Variants in GIPC2 observed in about 807,000 individuals in gnomAD.
GIPC2 encodes the protein GIPC PDZ domain containing family member 2.
GIPC2 carries 30 observed loss-of-function variants against 30.6 expected under a neutral mutation model. The ratio of observed to expected loss-of-function variants is 0.98; its 90% CI spans 0.73 to 1.33. The LOEUF is 1.33. Among genes scored for constraint, GIPC2 ranks in the 40% most tolerant of loss-of-function variants. The pLI, the probability that GIPC2 is intolerant of heterozygous loss-of-function variation, is 0.00. For missense variants in GIPC2, 414 were observed against 390.3 expected, an observed-to-expected ratio of 1.06 and a Z score of -0.51; for synonymous variants, 167 against 150.0, an observed-to-expected ratio of 1.11 and a Z score of -0.83.
At chr1:78,076,233 G>A (rs868202597) in intron 1 of GIPC2, among the ~76,000 whole-genome samples, 60 of 152,226 alleles carry the variant, frequency 3.9e-4, no homozygotes, top group African/African-American at 1.4e-3. Flanking sequence ...AGGAAAATTA[G>A]GGGGAAAGGG....
At chr1:78,127,842 T>C (rs1662809977) in intron 5 of GIPC2, among the ~76,000 whole-genome samples, 1 of 152,090 alleles carries the variant, frequency 6.6e-6, no homozygotes. Context: ...GGTGTGTGCC[T>C]CCATACCCAG....
chr1:78,090,953 G>A (rs530841878), intron 2 of GIPC2, among the ~76,000 whole-genome samples: 7 of 152,136 alleles, frequency 4.6e-5, no homozygotes, highest in South Asian at 4.1e-4. Context: ...ATAAGGAAAC[G>A]GAAAATGGAA....
At position 78,046,111 on chromosome 1, in the gene GIPC2, G is replaced by C. The variant is rs745922458; in HGVS notation, c.17G>C (p.Arg6Pro). Residue 6 changes from arginine (R) to proline (P), a missense_variant, in exon 1 of 6, where the codon CGG (arginine) becomes CCG (proline). Arg to Pro is a moderately radical substitution (Grantham distance 103). Transcript: ENST00000370759. The part of the protein sequence containing the change: MPLKL[R>P]GKKKAKSKET... ...CCCTGCAAGATGCCCCTGAAGCTGC[G>C]GGGGAAGAAGAAGGCCAAGTCCAAG... 7 of 1,478,416 alleles carry C rather than the reference G, an allele frequency of 4.7e-6. No homozygotes were observed. The highest frequency in any genetic ancestry group is 5.4e-6 in the Non-Finnish European group (6 of 1,119,024). The allele number at this position is 1,478,416 out of a possible 1,614,324, so 91.6% of individuals were successfully genotyped here. A position where few individuals can be genotyped will look rare whatever the true frequency, so the allele number is the denominator to read the frequency against.
At chr1:78,115,525 G>A (rs1268632135) in intron 3 of GIPC2, among the ~76,000 whole-genome samples, 2 of 152,202 alleles carry the variant, frequency 1.3e-5, no homozygotes, top group African/African-American at 4.8e-5. Flanking sequence ...TACATTGCTA[G>A]GCAGTACGGA....
intron 2 of GIPC2, among the ~76,000 whole-genome samples, chr1:78,084,893 T>G (rs1661897879): frequency 1.3e-5 from 2 of 152,146 alleles, no homozygotes; most frequent in Admixed American, 1.3e-4. Context: ...ACAGAGATAG[T>G]TTGACTTCCT....
At chr1:78,122,902 G>A (rs1052460548) in intron 4 of GIPC2, among the ~76,000 whole-genome samples, 2 of 152,152 alleles carry the variant, frequency 1.3e-5, no homozygotes, top group African/African-American at 4.8e-5. Flanking sequence ...ATGGAAGCAG[G>A]TGCAGGATAC....
chr1:78,050,045 C>T (rs926896239), intron 1 of GIPC2, among the ~76,000 whole-genome samples: 49 of 151,942 alleles, frequency 3.2e-4, no homozygotes, highest in African/African-American at 8.7e-4. Context: ...TACAGGCACA[C>T]GCCATCATGC....
At chr1:78,097,588 C>G (rs1662161027) in intron 3 of GIPC2, among the ~76,000 whole-genome samples, 1 of 152,244 alleles carries the variant, frequency 6.6e-6, no homozygotes. Flanking sequence ...GAAATCCTTT[C>G]TGCCTGCCTT....
intron 1 of GIPC2, among the ~76,000 whole-genome samples, chr1:78,077,941 C>G (rs892135187): frequency 6.6e-6 from 1 of 151,952 alleles, no homozygotes; most frequent in South Asian, 2.1e-4. Flanking sequence ...GTAATCCCAG[C>G]ACTTTGGGAG....
intron 1 of GIPC2, among the ~76,000 whole-genome samples, chr1:78,054,521 T>C (rs1266234202): frequency 6.6e-6 from 1 of 152,216 alleles, no homozygotes; most frequent in Non-Finnish European, 1.5e-5. Flanking sequence ...TTTTACAAAG[T>C]AGAAGCACAC....
At chr1:78,066,165 C>T (rs895213647) in intron 1 of GIPC2, among the ~76,000 whole-genome samples, 1 of 151,980 alleles carries the variant, frequency 6.6e-6, no homozygotes, top group South Asian at 2.1e-4. Flanking sequence ...GTCTAATATA[C>T]AGCATCTATA....
intron 1 of GIPC2, among the ~76,000 whole-genome samples, chr1:78,058,129 A>G (rs1422670826): frequency 6.6e-6 from 1 of 152,118 alleles, no homozygotes; most frequent in Non-Finnish European, 1.5e-5. Flanking sequence ...GAAGCATGGA[A>G]TTATAGTATA....
intron 5 of GIPC2, 88 bp downstream of exon 5, chr1:78,126,050 T>C (rs1350876316): frequency 7.9e-6 from 5 of 634,188 alleles, no homozygotes; most frequent in Non-Finnish European, 1.4e-5. Flanking sequence ...ATTATACTTT[T>C]GAAGATAACA....
At chr1:78,098,049 G>A (rs927542334) in intron 3 of GIPC2, among the ~76,000 whole-genome samples, 1 of 152,112 alleles carries the variant, frequency 6.6e-6, no homozygotes, top group Non-Finnish European at 1.5e-5. Flanking sequence ...TTTCTTCTAA[G>A]CTGTTATATC....
Position 78,095,133 on chromosome 1 carries a change from G to C in GIPC2, c.607+1G>C. ...TTAATAGAACCTAAGAAGGCATTTG[G>C]TAAGTCAGGGGTTGGTGGGCGGGTG... is the stretch of plus-strand genomic sequence containing the variant. On this transcript the variant is annotated splice_donor_variant, in intron 3 of 5. Coordinates refer to ENST00000370759, the MANE Select transcript of GIPC2 (RefSeq NM_017655.6). LOFTEE classifies it high-confidence loss of function. The C allele has an allele frequency of 6.2e-7, 1 of 1,607,582 alleles. No individual in the cohort carries two copies. The highest frequency in any genetic ancestry group is 8.5e-7 in the Non-Finnish European group (1 of 1,174,786).
intron 3 of GIPC2, 126 bp from the exon 4 acceptor site, chr1:78,119,267 C>A: frequency 1.7e-6 from 1 of 575,516 alleles, no homozygotes; most frequent in Non-Finnish European, 3.1e-6. Context: ...ATAAGAAGGC[C>A]TACGTTTTAT....
intron 1 of GIPC2, among the ~76,000 whole-genome samples, chr1:78,080,174 C>T (rs1303354786): frequency 1.3e-5 from 2 of 151,818 alleles, no homozygotes; most frequent in Non-Finnish European, 2.9e-5. Flanking sequence ...TATAGGCTTG[C>T]CTATATTTTA....
At chr1:78,129,043 G>A (rs927472670) in intron 5 of GIPC2, among the ~76,000 whole-genome samples, 7 of 133,878 alleles carry the variant, frequency 5.2e-5, no homozygotes, top group Admixed American at 1.5e-4. Context: ...AAAAAAAAAA[G>A]AAGAAAATGC....
chr1:78,125,074 G>A (rs650495), intron 4 of GIPC2, among the ~76,000 whole-genome samples: 33,058 of 152,090 alleles, frequency 0.22, 4,049 homozygotes, highest in East Asian at 0.61. Flanking sequence ...TCCTGTTGCC[G>A]GGTTGGAGGG....
Sources: gnomAD v4.1 joint callset for allele counts (sites outside exome capture counted in the v4.1 genomes callset) on GRCh38, gnomAD v4.1.1 for gene constraint, MANE v1.5 for transcripts, NCBI Gene and HGNC (gene_info 2026-07-23, HGNC 2026-07-21) for gene names.